SUZ12: variants seen among roughly 807,000 people sequenced by gnomAD.
SUZ12 encodes polycomb protein SUZ12.
A neutral mutation model predicts 87.3 loss-of-function variants in SUZ12; 17 were observed. That is an observed-to-expected ratio of 0.19 (90% CI 0.13 to 0.29). SUZ12 has a LOEUF of 0.29. SUZ12 is among the 10% of genes least tolerant of loss of function. SUZ12 has a pLI of 1.00. For missense variants in SUZ12, 526 were observed against 912.2 expected, an observed-to-expected ratio of 0.58 and a Z score of 5.45; for synonymous variants, 253 against 312.4, an observed-to-expected ratio of 0.81 and a Z score of 2.01.
At chr17:31,977,687 G>A (rs1264632399) in intron 8 of SUZ12, among the ~76,000 whole-genome samples, 2 of 152,104 alleles carry the variant, frequency 1.3e-5, no homozygotes, top group Non-Finnish European at 1.5e-5. Context: ...TCAGGAGTTC[G>A]AGACCAGCCT....
chr17:31,983,996 A>G (rs574118476), intron 9 of SUZ12, among the ~76,000 whole-genome samples: 55 of 152,352 alleles, frequency 3.6e-4, no homozygotes, highest in African/African-American at 1.3e-3. Flanking sequence ...CCAATGCAAA[A>G]TCTCATAAGG....
At chr17:31,938,173 C>G (rs906596746) in intron 1 of SUZ12, among the ~76,000 whole-genome samples, 4 of 152,166 alleles carry the variant, frequency 2.6e-5, no homozygotes, top group African/African-American at 9.7e-5. Context: ...ATTTCTGTTT[C>G]TAAGTTCTGT....
intron 15 of SUZ12, among the ~76,000 whole-genome samples, chr17:31,997,403 CT>C (rs1910030481): frequency 6.6e-6 from 1 of 152,136 alleles, no homozygotes; most frequent in African/African-American, 2.4e-5. Flanking sequence ...TGGCTCATGC[CT>C]GTAATCCCAG....
intron 15 of SUZ12, among the ~76,000 whole-genome samples, chr17:31,998,006 G>A (rs913139108): frequency 3.3e-5 from 5 of 152,012 alleles, no homozygotes; most frequent in African/African-American, 1.2e-4. Context: ...AGGATGCCAA[G>A]GCAGGAGGAT....
intron 5 of SUZ12, among the ~76,000 whole-genome samples, chr17:31,972,416 T>C (rs1908498630): frequency 6.6e-6 from 1 of 150,754 alleles, no homozygotes; most frequent in Admixed American, 6.6e-5. Flanking sequence ...AATAGAAATG[T>C]GTAGATGTGT....
intron 4 of SUZ12, among the ~76,000 whole-genome samples, chr17:31,960,456 G>A (rs994456536): frequency 2.6e-4 from 39 of 151,714 alleles, no homozygotes; most frequent in African/African-American, 8.7e-4. Context: ...TGATCTGCCC[G>A]CCTCGGCCTC....
chr17:31,939,033 T>A (rs1051327253), intron 1 of SUZ12, among the ~76,000 whole-genome samples: 1 of 152,218 alleles, frequency 6.6e-6, no homozygotes, highest in Non-Finnish European at 1.5e-5. Context: ...GTAACTGATA[T>A]AATAGTATAT....
intron 5 of SUZ12, among the ~76,000 whole-genome samples, chr17:31,969,154 C>T (rs1270020308): frequency 1.3e-5 from 2 of 151,572 alleles, no homozygotes; most frequent in Non-Finnish European, 2.9e-5. Flanking sequence ...TTTTTTTCTT[C>T]TTTTTCTGAG....
intron 8 of SUZ12, among the ~76,000 whole-genome samples, chr17:31,976,965 T>C (rs1378193853): frequency 2.6e-5 from 4 of 152,212 alleles, no homozygotes. Context: ...AAAAATCAAC[T>C]AATGTCACTT....
At position 31,941,556 on chromosome 17, in the gene SUZ12, CTT is replaced by C. The variant is rs35921728; in HGVS notation, c.386+1080_386+1081del. 7.0e-4 allele frequency among the ~76,000 whole-genome samples: 101 copies of C among 145,166 alleles called. No homozygotes were observed. In the South Asian group the frequency reaches 7.7e-3, roughly 11 times the overall value. ...ACAGGCATGAGCCACCGTGCCTGGC[CTT>C]TTTTTTTTTGAAACGGAGTCTCGCT... On this transcript the variant is annotated intron_variant, in intron 3 of 15. Transcript: ENST00000322652.
Position 31,947,693 on chromosome 17 carries a change from A to C in SUZ12, c.455+8A>C. ...AGAGCAAGAATCTCATAGGTAAGAT[A>C]ATCTATCAGTTTACATTAAGTGATA... On this transcript the variant is annotated splice_region_variant and intron_variant, in intron 4 of 15. Coordinates refer to ENST00000322652, the MANE Select transcript of SUZ12 (RefSeq NM_015355.4). 1 of 1,606,610 alleles carries C rather than the reference A, an allele frequency of 6.2e-7. No homozygotes were observed.
intron 10 of SUZ12, among the ~76,000 whole-genome samples, chr17:31,990,996 C>T (rs1050211016): frequency 1.3e-5 from 2 of 152,166 alleles, no homozygotes; most frequent in African/African-American, 4.8e-5. Context: ...ATCTACCTAC[C>T]TTAGCATCCC....
intron 1 of SUZ12, among the ~76,000 whole-genome samples, chr17:31,939,029 G>A (rs2627178): frequency 6.6e-6 from 1 of 152,102 alleles, no homozygotes; most frequent in Non-Finnish European, 1.5e-5. Context: ...TAATGTAACT[G>A]ATATAATAGT....
At chr17:31,979,842 A>G (rs1245683059) in intron 8 of SUZ12, among the ~76,000 whole-genome samples, 1 of 152,152 alleles carries the variant, frequency 6.6e-6, no homozygotes, top group Admixed American at 6.6e-5. Flanking sequence ...CAATAGTTTT[A>G]GCATTGATTG....
At position 32,000,185 on chromosome 17, in the gene SUZ12, T is replaced by TA. The variant is rs1292194847; in HGVS notation, c.*1185dup. 4.3e-6 allele frequency: 1 copy of TA among 233,190 alleles called. No individual in the cohort carries two copies. The highest frequency in any genetic ancestry group is 8.5e-6 in the Non-Finnish European group (1 of 117,864). The allele number at this position is 233,190 out of a possible 1,614,324, so 14.4% of individuals were successfully genotyped here. On this transcript the variant is annotated 3_prime_UTR_variant, in exon 16 of 16. Transcript: ENST00000322652. ...CATCACCTCAATTTTTTATTATCCT[T>TA]AAAGATATTGCATTTTCATATTCTT...
At chr17:31,990,990 A>G (rs932792554) in intron 10 of SUZ12, among the ~76,000 whole-genome samples, 4 of 151,812 alleles carry the variant, frequency 2.6e-5, no homozygotes, top group African/African-American at 9.7e-5. Flanking sequence ...CAAGCAATCT[A>G]CCTACCTTAG....
intron 8 of SUZ12, among the ~76,000 whole-genome samples, chr17:31,981,037 C>A (rs575245701): frequency 7.3e-5 from 11 of 150,566 alleles, no homozygotes; most frequent in Middle Eastern, 3.5e-3. Context: ...AAAAAAAAAA[C>A]CAAAAAATCC....
At chr17:31,938,904 C>T (rs969295473) in intron 1 of SUZ12, among the ~76,000 whole-genome samples, 20 of 152,192 alleles carry the variant, frequency 1.3e-4, no homozygotes, top group African/African-American at 4.1e-4. Flanking sequence ...TAAAACAACT[C>T]GAAGTTGTTT....
rs918656200 is a variant in SUZ12 at position 32,000,877 on chromosome 17, C to A, written c.*1874C>A. 1.4e-5 allele frequency: 3 copies of A among 221,908 alleles called. No homozygotes were observed. The East Asian group carries it at 2.0e-4, about 15-fold the overall frequency. 13.7% of individuals were successfully genotyped at this position (221,908 alleles called of 1,614,324 possible). ...TAAAAAAAGTGCTTTTCTATATGTA[C>A]CCTTGATAACAGATTTTGAAGAAAT... On this transcript the variant is annotated 3_prime_UTR_variant, in exon 16 of 16. Coordinates refer to ENST00000322652, the MANE Select transcript of SUZ12 (RefSeq NM_015355.4).
Sources: allele counts gnomAD v4.1 joint callset (sites outside exome capture counted in the v4.1 genomes callset), GRCh38; gene constraint gnomAD v4.1.1; transcripts MANE v1.5; gene names NCBI Gene and HGNC (gene_info 2026-07-23, HGNC 2026-07-21).